The following UHRF2 variants were observed in gnomAD, a reference collection of about 807,000 sequenced individuals.
UHRF2 encodes the protein ubiquitin like with PHD and ring finger domains 2.
UHRF2 carries 23 observed loss-of-function variants against 96.8 expected under a neutral mutation model. The observed-to-expected ratio is 0.24, with a 90% CI of 0.17 to 0.34. The LOEUF (loss-of-function observed/expected upper bound fraction) is 0.34. Ranked by LOEUF, UHRF2 falls within the 10% of genes least tolerant of loss-of-function variation. The pLI is 1.00. For synonymous variants in UHRF2, 385 were observed against 332.6 expected (o/e 1.16, Z -1.72); for missense variants, 685 against 981.5 (o/e 0.70, Z 4.04).
intron 1 of UHRF2, among the ~76,000 whole-genome samples, chr9:6,419,839 A>G (rs1476396222): frequency 2.0e-5 from 3 of 152,096 alleles, no homozygotes; most frequent in African/African-American, 4.8e-5. Context: ...CTCCTGGGCT[A>G]AAGTGATCTC....
At chr9:6,426,383 C>G (rs539530090) in intron 2 of UHRF2, among the ~76,000 whole-genome samples, 1 of 152,318 alleles carries the variant, frequency 6.6e-6, no homozygotes, top group Non-Finnish European at 1.5e-5. Flanking sequence ...GTAAATCTTA[C>G]ATTAAGGTTC....
intron 4 of UHRF2, among the ~76,000 whole-genome samples, chr9:6,467,692 A>G (rs939553505): frequency 6.6e-6 from 1 of 151,044 alleles, no homozygotes; most frequent in Admixed American, 6.6e-5. Flanking sequence ...ATTCTTTCAA[A>G]GATTTGAATT....
intron 7 of UHRF2, 111 bp downstream of exon 7, chr9:6,481,877 A>T (rs1167986905): frequency 6.5e-6 from 10 of 1,533,278 alleles, no homozygotes; most frequent in South Asian, 1.2e-5. Flanking sequence ...ATTTGTTAAT[A>T]TCAATGGTAC....
At chr9:6,474,308 A>G (rs1041038993) in intron 4 of UHRF2, among the ~76,000 whole-genome samples, 4 of 152,260 alleles carry the variant, frequency 2.6e-5, no homozygotes, top group Admixed American at 1.3e-4. Flanking sequence ...TGCTAACCAA[A>G]AGAAAGTAAA....
At chr9:6,453,769 G>T (rs1437964305) in intron 3 of UHRF2, among the ~76,000 whole-genome samples, 2 of 152,084 alleles carry the variant, frequency 1.3e-5, no homozygotes, top group Admixed American at 6.6e-5. Flanking sequence ...ACCAGGAGTG[G>T]TGGCAGGTAC....
chr9:6,420,345 G>A (rs936247301), intron 1 of UHRF2, among the ~76,000 whole-genome samples: 1 of 147,384 alleles, frequency 6.8e-6, no homozygotes, highest in Non-Finnish European at 1.5e-5. Flanking sequence ...GTGAGCCACC[G>A]CGCCCGGCCC....
chr9:6,471,042 A>G (rs374577823), intron 4 of UHRF2, among the ~76,000 whole-genome samples: 9 of 152,366 alleles, frequency 5.9e-5, no homozygotes, highest in African/African-American at 2.2e-4. Flanking sequence ...ATAAAATCAC[A>G]GAAGTTGAAA....
Position 6,506,708 on chromosome 9 carries a change from C to T in UHRF2, c.*529C>T, listed in dbSNP as rs1305313461. The T allele has an allele frequency of 6.6e-6, 1 of 152,612 alleles. No homozygotes were observed. Among genetic ancestry groups the T allele is most frequent in the Non-Finnish European group, 1.5e-5 (1 of 68,134 alleles). The allele number at this position is 152,612 out of a possible 1,614,324, so 9.5% of individuals were successfully genotyped here. Reference sequence around the variant, plus strand: ...CAAGGACAGGTTCATTTTTTTTAGCCCACTTTGTGAACTCCATTGTGCTTT... The same window carrying T: ...CAAGGACAGGTTCATTTTTTTTAGCTCACTTTGTGAACTCCATTGTGCTTT... On this transcript the variant is annotated 3_prime_UTR_variant, in exon 16 of 16. Transcript: ENST00000276893.
chr9:6,429,532 T>C (rs1193740220), intron 2 of UHRF2, among the ~76,000 whole-genome samples: 1 of 152,180 alleles, frequency 6.6e-6, no homozygotes, highest in Non-Finnish European at 1.5e-5. Flanking sequence ...GTTTTAGCCA[T>C]GTTGGCCAGA....
chr9:6,452,072 C>G (rs982093623), intron 3 of UHRF2, among the ~76,000 whole-genome samples: 1 of 151,934 alleles, frequency 6.6e-6, no homozygotes, highest in African/African-American at 2.4e-5. Flanking sequence ...ACTACACATA[C>G]CGTTTGCACC....
intron 3 of UHRF2, among the ~76,000 whole-genome samples, chr9:6,453,259 C>G (rs1050570316): frequency 6.6e-6 from 1 of 152,182 alleles, no homozygotes; most frequent in South Asian, 2.1e-4. Flanking sequence ...AGGTTCTCTA[C>G]TTAGTTCAAA....
intron 10 of UHRF2, 148 bp from the exon 11 acceptor site, chr9:6,497,050 A>G: frequency 1.3e-6 from 1 of 777,506 alleles, no homozygotes; most frequent in Non-Finnish European, 2.0e-6. Flanking sequence ...GGGGGAAAGC[A>G]TAATCCTATT....
chr9:6,422,589 G>C, intron 2 of UHRF2: 1 of 559,952 alleles, frequency 1.8e-6, no homozygotes, highest in Non-Finnish European at 3.3e-6. Flanking sequence ...AACATTAAAA[G>C]ACTTGACTTC....
chr9:6,439,370 C>T (rs1344267956), intron 3 of UHRF2, among the ~76,000 whole-genome samples: 2 of 152,158 alleles, frequency 1.3e-5, no homozygotes, highest in Non-Finnish European at 2.9e-5. Flanking sequence ...GATGGAGTTT[C>T]GCCATGTTGG....
intron 8 of UHRF2, among the ~76,000 whole-genome samples, chr9:6,486,397 T>C (rs1824292062): frequency 6.6e-6 from 1 of 152,220 alleles, no homozygotes; most frequent in Non-Finnish European, 1.5e-5. Context: ...AACTCCTGCA[T>C]TTTTGACTTC....
Position 6,422,946 on chromosome 9 carries a change from A to G in UHRF2, c.384+1804A>G, listed in dbSNP as rs891057222. ...ATTTATTTGGCTTTTGTAACCAGCA[A>G]CCTTTTCAAATCTAATAAATTGTGT... On this transcript the variant is annotated intron_variant, in intron 2 of 15. Coordinates refer to ENST00000276893, the MANE Select transcript of UHRF2 (RefSeq NM_152896.3). 28 of 317,036 alleles carry G rather than the reference A, an allele frequency of 8.8e-5. No individual in the cohort carries two copies. The South Asian group carries it at 2.8e-3, about 32-fold the overall frequency. The allele number at this position is 317,036 out of a possible 1,614,324, so 19.6% of individuals were successfully genotyped here.
At chr9:6,418,550 G>A (rs903289076) in intron 1 of UHRF2, among the ~76,000 whole-genome samples, 2 of 152,064 alleles carry the variant, frequency 1.3e-5, no homozygotes, top group Non-Finnish European at 2.9e-5. Flanking sequence ...TTAAATTCAG[G>A]ACATACTTTT....
Position 6,504,576 on chromosome 9 carries a change from C to G in UHRF2, c.2164-17C>G. On this transcript the variant is annotated splice_polypyrimidine_tract_variant and intron_variant, in intron 14 of 15. Coordinates refer to ENST00000276893, the MANE Select transcript of UHRF2 (RefSeq NM_152896.3). ...AACTGCTAACTTTTCTTTCCTTATC[C>G]TTGGATACTGTTCTAGAATTTTCTG... 1 of 1,593,718 alleles carries G rather than the reference C, an allele frequency of 6.3e-7. No individual in the cohort carries two copies. The highest frequency in any genetic ancestry group is 8.6e-7 in the Non-Finnish European group (1 of 1,164,612).
At chr9:6,489,736 T>G (rs12341324) in intron 9 of UHRF2, among the ~76,000 whole-genome samples, 4,140 of 149,982 alleles carry the variant, frequency 0.028, 74 homozygotes, top group Non-Finnish European at 0.033. Context: ...TTGTTTTTTT[T>G]TTTTTTTTTT....
Sources: allele counts gnomAD v4.1 joint callset (sites outside exome capture counted in the v4.1 genomes callset), GRCh38; gene constraint gnomAD v4.1.1; transcripts MANE v1.5; gene names NCBI Gene and HGNC (gene_info 2026-07-23, HGNC 2026-07-21).